Variants in NR3C2 observed in about 807,000 individuals in gnomAD.
The protein encoded by NR3C2 is mineralocorticoid receptor.
In NR3C2, 15 loss-of-function variants were observed where a neutral mutation model predicts 86.4. The ratio of observed to expected loss-of-function variants is 0.17; its 90% CI spans 0.12 to 0.27. The LOEUF (loss-of-function observed/expected upper bound fraction) is 0.27. Among genes scored for constraint, NR3C2 ranks in the 10% least tolerant of loss-of-function variants. NR3C2 has a pLI of 1.00. For missense variants in NR3C2, 960 were observed against 1,195.6 expected (o/e 0.80, Z 2.91); for synonymous variants, 458 against 450.5 (o/e 1.02, Z -0.21).
rs1046010625 is a variant in NR3C2 at position 148,303,488 on chromosome 4, A to G, written c.1758-43371T>C. Among the ~76,000 whole-genome samples the G allele has an allele frequency of 1.4e-4, 22 of 152,232 alleles. 1 individual carries two copies. The highest frequency in any genetic ancestry group is 5.9e-4 in the Admixed American group (9 of 15,292). On this transcript the variant is annotated intron_variant, in intron 2 of 8. Coordinates refer to ENST00000358102, the MANE Select transcript of NR3C2 (RefSeq NM_000901.5). ...CCCATGCACACAAATCTTACCAAGCATAACTACAGCCACCAGTTATCTGGG... is the reference window on the plus strand; with the variant it reads ...CCCATGCACACAAATCTTACCAAGCGTAACTACAGCCACCAGTTATCTGGG...
intron 2 of NR3C2, among the ~76,000 whole-genome samples, chr4:148,310,718 T>A (rs1742863118): frequency 6.6e-6 from 1 of 152,214 alleles, no homozygotes; most frequent in Non-Finnish European, 1.5e-5. Context: ...TTTTAATTAT[T>A]CGGGTTAATT....
At chr4:148,153,958 A>C (rs1734223827) in intron 5 of NR3C2, among the ~76,000 whole-genome samples, 1 of 151,930 alleles carries the variant, frequency 6.6e-6, no homozygotes, top group East Asian at 1.9e-4. Flanking sequence ...TTTTGGATGA[A>C]ATTTTCCATT....
At chr4:148,220,853 A>T (rs1737803006) in intron 3 of NR3C2, among the ~76,000 whole-genome samples, 1 of 152,222 alleles carries the variant, frequency 6.6e-6, no homozygotes, top group African/African-American at 2.4e-5. Flanking sequence ...ACCAATCTCT[A>T]AAAATCAAAT....
Position 148,079,084 on chromosome 4 carries a change from C to G in NR3C2, c.*2260G>C, listed in dbSNP as rs989669728. 2 of 152,604 alleles carry G rather than the reference C, an allele frequency of 1.3e-5. No individual in the cohort carries two copies. The highest frequency in any genetic ancestry group is 4.8e-5 in the African/African-American group (2 of 41,450). 9.5% of individuals were successfully genotyped at this position (152,604 alleles called of 1,614,324 possible). A position where few individuals can be genotyped will look rare whatever the true frequency, so the allele number is the denominator to read the frequency against. Reference sequence around the variant, plus strand: ...ACTTTGTTAATACAAAAAGCTGATGCAGACCATCTCCATCCCAAACCTGGT... The same window carrying G: ...ACTTTGTTAATACAAAAAGCTGATGGAGACCATCTCCATCCCAAACCTGGT... On this transcript the variant is annotated 3_prime_UTR_variant, in exon 9 of 9. Transcript: ENST00000358102.
chr4:148,239,093 A>G (rs1050774531), intron 3 of NR3C2, among the ~76,000 whole-genome samples: 1 of 152,224 alleles, frequency 6.6e-6, no homozygotes, highest in African/African-American at 2.4e-5. Context: ...TGATGAAACT[A>G]GAGAGGGACA....
At position 148,368,931 on chromosome 4, in the gene NR3C2, A is replaced by G. The variant is rs373895488; in HGVS notation, c.1757+66173T>C. 1.4e-4 allele frequency among the ~76,000 whole-genome samples: 22 copies of G among 152,330 alleles called. No homozygotes were observed. The East Asian group carries it at 4.0e-3, about 28-fold the overall frequency. ...GACATTTTCCCTCAGCGTCCTCACC[A>G]GCTTTCCCTCTTGGCCTTTGTTGAG... is the stretch of plus-strand genomic sequence containing the variant. On this transcript the variant is annotated intron_variant, in intron 2 of 8. Coordinates refer to ENST00000358102, the MANE Select transcript of NR3C2 (RefSeq NM_000901.5).
chr4:148,203,099 G>A (rs1035507390), intron 3 of NR3C2, among the ~76,000 whole-genome samples: 22 of 151,854 alleles, frequency 1.4e-4, no homozygotes, highest in South Asian at 4.2e-4. Context: ...TATAAAAATC[G>A]TTTGATATTT....
intron 2 of NR3C2, among the ~76,000 whole-genome samples, chr4:148,330,316 A>C (rs577128159): frequency 2.0e-5 from 3 of 152,282 alleles, no homozygotes; most frequent in Non-Finnish European, 4.4e-5. Flanking sequence ...CCTCTGGCCC[A>C]CACACACTAT....
intron 4 of NR3C2, among the ~76,000 whole-genome samples, chr4:148,185,659 A>G (rs1297868418): frequency 6.6e-6 from 1 of 152,066 alleles, no homozygotes; most frequent in East Asian, 1.9e-4. Flanking sequence ...GATGACCACC[A>G]CTACTAGCAT....
At chr4:148,401,647 A>G (rs942593276) in intron 2 of NR3C2, among the ~76,000 whole-genome samples, 1 of 151,920 alleles carries the variant, frequency 6.6e-6, no homozygotes, top group Non-Finnish European at 1.5e-5. Flanking sequence ...TATTTTTAGT[A>G]GAGACGGGAT....
At chr4:148,354,887 T>A (rs1178016551) in intron 2 of NR3C2, among the ~76,000 whole-genome samples, 1 of 152,094 alleles carries the variant, frequency 6.6e-6, no homozygotes, top group African/African-American at 2.4e-5. Flanking sequence ...AGGAGAAACA[T>A]GAAATTAGAA....
intron 8 of NR3C2, among the ~76,000 whole-genome samples, chr4:148,082,965 T>C (rs1730648339): frequency 6.6e-6 from 1 of 151,578 alleles, no homozygotes; most frequent in Non-Finnish European, 1.5e-5. Context: ...CACCGGGAAG[T>C]TCCAAGTGGG....
chr4:148,285,949 TGTTA>T (rs1328000241), intron 2 of NR3C2, among the ~76,000 whole-genome samples: 1 of 152,216 alleles, frequency 6.6e-6, no homozygotes, highest in Non-Finnish European at 1.5e-5. Context: ...AATATTAACA[TGTTA>T]GTTTTATTCA....
intron 4 of NR3C2, among the ~76,000 whole-genome samples, chr4:148,161,489 A>G (rs541139151): frequency 5.3e-4 from 80 of 152,098 alleles, no homozygotes; most frequent in African/African-American, 1.9e-3. Flanking sequence ...AGATGGGATT[A>G]CAGGTGCCCA....
intron 4 of NR3C2, among the ~76,000 whole-genome samples, chr4:148,169,370 T>G (rs1578966380): frequency 6.6e-6 from 1 of 152,214 alleles, no homozygotes; most frequent in Admixed American, 6.5e-5. Flanking sequence ...CTCAAACAAC[T>G]TCTTCTGAGA....
At chr4:148,173,481 C>T (rs983315296) in intron 4 of NR3C2, among the ~76,000 whole-genome samples, 25 of 151,990 alleles carry the variant, frequency 1.6e-4, no homozygotes, top group African/African-American at 5.3e-4. Context: ...GAAGGGGCCA[C>T]GAGCCAAAGA....
At chr4:148,200,081 A>G (rs970573571) in intron 3 of NR3C2, among the ~76,000 whole-genome samples, 1 of 152,228 alleles carries the variant, frequency 6.6e-6, no homozygotes, top group African/African-American at 2.4e-5. Flanking sequence ...GAATAAGCCC[A>G]AGGAAGGCTG....
chr4:148,371,636 A>T (rs1280383169), intron 2 of NR3C2, among the ~76,000 whole-genome samples: 3 of 152,162 alleles, frequency 2.0e-5, no homozygotes, highest in Non-Finnish European at 4.4e-5. Flanking sequence ...AAAAGGAGGA[A>T]AAGATATTCA....
At chr4:148,099,476 C>G (rs1400215432) in intron 8 of NR3C2, among the ~76,000 whole-genome samples, 1 of 152,146 alleles carries the variant, frequency 6.6e-6, no homozygotes, top group Non-Finnish European at 1.5e-5. Flanking sequence ...TTAATCACCC[C>G]ATCTTAATTC....
Sources: allele counts gnomAD v4.1 joint callset (sites outside exome capture counted in the v4.1 genomes callset), GRCh38; gene constraint gnomAD v4.1.1; transcripts MANE v1.5; gene names NCBI Gene and HGNC (gene_info 2026-07-23, HGNC 2026-07-21).